CREB3L2: variants seen among roughly 807,000 people sequenced by gnomAD.
CREB3L2 encodes the protein cAMP responsive element binding protein 3 like 2, also known as cyclic AMP-responsive element-binding protein 3-like protein 2.
CREB3L2 carries 23 observed loss-of-function variants against 57.2 expected under a neutral mutation model. The observed-to-expected ratio is 0.40, with a 90% CI of 0.29 to 0.57. The LOEUF is 0.57. Ranked by LOEUF, CREB3L2 falls within the 20% of genes least tolerant of loss-of-function variation. The probability of loss-of-function intolerance (pLI) is 0.42; values close to 1 mark genes in which losing one functional copy is unlikely to be tolerated. For missense variants in CREB3L2, 628 were observed against 634.7 expected (o/e 0.99, Z 0.11); for synonymous variants, 268 against 265.1 (o/e 1.01, Z -0.11).
chr7:138,001,330 G>A lies in CREB3L2; in HGVS notation c.102+274C>T, dbSNP rs1474670498. Among the ~76,000 whole-genome samples, 1 of 152,124 alleles carries A rather than the reference G, an allele frequency of 6.6e-6. No homozygotes were observed. Among genetic ancestry groups the A allele is most frequent in the Admixed American group, 6.5e-5 (1 of 15,282 alleles). On this transcript the variant is annotated intron_variant, in intron 1 of 11. Transcript: ENST00000330387. The surrounding 1 kb of genome is among the most constrained non-coding windows in gnomAD (Gnocchi z 4.2). The stretch of plus-strand genomic sequence containing the variant: ...CCGCATTACAGTACTGTTAACAACA[G>A]CAAATGATATTACAGATGGAAAAAG...
intron 1 of CREB3L2, among the ~76,000 whole-genome samples, chr7:137,965,358 G>A (rs1450714333): frequency 6.6e-6 from 1 of 152,272 alleles, no homozygotes; most frequent in Admixed American, 6.5e-5. Flanking sequence ...GGAAAACATG[G>A]CCAAAAAGAC....
chr7:137,969,019 G>A (rs988957847), intron 1 of CREB3L2, among the ~76,000 whole-genome samples: 5 of 152,098 alleles, frequency 3.3e-5, no homozygotes, highest in African/African-American at 4.8e-5. Flanking sequence ...AAGACGTGGC[G>A]CCCCATAAAA....
intron 2 of CREB3L2, among the ~76,000 whole-genome samples, chr7:137,921,250 A>G (rs28654173): frequency 0.057 from 8,630 of 152,336 alleles, 791 homozygotes; most frequent in African/African-American, 0.2. Flanking sequence ...AAAGTTTAGC[A>G]GTCCACAGTT....
At chr7:137,979,734 C>T (rs201944210) in intron 1 of CREB3L2, among the ~76,000 whole-genome samples, 3 of 71,318 alleles carry the variant, frequency 4.2e-5, no homozygotes, top group Non-Finnish European at 7.6e-5. Flanking sequence ...TCAAAAACAA[C>T]AACAACAACA....
In CREB3L2 at chr7:137,879,944, C is replaced by T. The variant is rs763932060; in HGVS notation, c.*532G>A. ...GCCAGTGCTGCTGCAGGAGACGAGA[C>T]GATCCAGCGAGGGCTCCCAGGGGGC... On this transcript the variant is annotated 3_prime_UTR_variant, in exon 12 of 12. Coordinates refer to ENST00000330387, the MANE Select transcript of CREB3L2 (RefSeq NM_194071.4). 3.0e-5 allele frequency: 7 copies of T among 236,836 alleles called. No individual in the cohort carries two copies. Among genetic ancestry groups the T allele is most frequent in the Non-Finnish European group, 5.8e-5 (7 of 120,232 alleles). 14.7% of individuals were successfully genotyped at this position (236,836 alleles called of 1,614,324 possible).
At chr7:137,928,119 G>C in intron 2 of CREB3L2, 31 bp downstream of exon 2, 1 of 1,519,554 alleles carries the variant, frequency 6.6e-7, no homozygotes, top group Non-Finnish European at 8.9e-7. Flanking sequence ...AAGGCGCTAA[G>C]GTCCAGGTCT....
intron 1 of CREB3L2, among the ~76,000 whole-genome samples, chr7:137,935,156 A>C (rs906434805): frequency 6.6e-6 from 1 of 152,240 alleles, no homozygotes; most frequent in East Asian, 1.9e-4. Context: ...GAGGTTAACA[A>C]TAATGCCGGC....
In CREB3L2 at chr7:137,995,821, G is replaced by A. The variant is rs17169484; in HGVS notation, c.102+5783C>T. On this transcript the variant is annotated intron_variant, in intron 1 of 11. Coordinates refer to ENST00000330387, the MANE Select transcript of CREB3L2 (RefSeq NM_194071.4). The stretch of plus-strand genomic sequence containing the variant: ...GAGACCCCTGTTTCCCATGAACACT[G>A]TAACTCAGGGATCATTCGAGAAGGA... Among the ~76,000 whole-genome samples, 1,333 of 152,270 alleles carry A rather than the reference G, an allele frequency of 8.8e-3. 19 individuals carry two copies. Among genetic ancestry groups the A allele is most frequent in the African/African-American group, 0.029 (1,187 of 41,546 alleles).
intron 1 of CREB3L2, among the ~76,000 whole-genome samples, chr7:137,973,106 G>A (rs537266909): frequency 2.0e-4 from 30 of 150,960 alleles, no homozygotes; most frequent in Middle Eastern, 3.4e-3. Flanking sequence ...GCACCAGCAC[G>A]GCACATGTAT....
chr7:137,972,192 G>A (rs980082468), intron 1 of CREB3L2, among the ~76,000 whole-genome samples: 3 of 152,114 alleles, frequency 2.0e-5, no homozygotes, highest in East Asian at 1.9e-4. Context: ...TGTAATCCCA[G>A]CACTTTAGGA....
chr7:137,936,845 G>A (rs527980026), intron 1 of CREB3L2, among the ~76,000 whole-genome samples: 203 of 152,326 alleles, frequency 1.3e-3, no homozygotes, highest in African/African-American at 4.5e-3. Context: ...CTAAAATGTT[G>A]CAGGCAACAT....
chr7:137,924,790 T>A (rs1477858342), intron 2 of CREB3L2, among the ~76,000 whole-genome samples: 1 of 152,186 alleles, frequency 6.6e-6, no homozygotes, highest in Non-Finnish European at 1.5e-5. Context: ...AGGCTGCACC[T>A]ACATTTCTAG....
intron 1 of CREB3L2, among the ~76,000 whole-genome samples, chr7:137,937,201 A>G (rs1042781137): frequency 6.6e-6 from 1 of 152,236 alleles, no homozygotes; most frequent in Non-Finnish European, 1.5e-5. Context: ...CCTTACCTAG[A>G]GCACAGAATG....
At chr7:137,998,934 A>G (rs1802033014) in intron 1 of CREB3L2, among the ~76,000 whole-genome samples, 2 of 152,160 alleles carry the variant, frequency 1.3e-5, no homozygotes, top group Non-Finnish European at 2.9e-5. Context: ...GGTAGCTGTC[A>G]TCATCTCTTA....
chr7:137,884,698 TC>T, intron 10 of CREB3L2: 1 of 594,648 alleles, frequency 1.7e-6, no homozygotes, highest in East Asian at 2.8e-5. Context: ...CTCATCTGCT[TC>T]CCTCTCCCTT....
chr7:137,973,890 T>C (rs9886131), intron 1 of CREB3L2, among the ~76,000 whole-genome samples: 50,723 of 152,066 alleles, frequency 0.33, 9,552 homozygotes, highest in African/African-American at 0.52. Context: ...TGGCATTGCA[T>C]GTTCTGGGGA....
intron 6 of CREB3L2, among the ~76,000 whole-genome samples, chr7:137,904,239 G>T (rs1384065002): frequency 6.6e-6 from 1 of 152,188 alleles, no homozygotes; most frequent in Non-Finnish European, 1.5e-5. Flanking sequence ...CAGTAAAATG[G>T]ACACTGAGTG....
rs376789749 is a variant in CREB3L2 at position 137,947,520 on chromosome 7, C to G, written c.103-19154G>C. Reference sequence around the variant, plus strand: ...CTGTGCCCTCCGGGGCTCCCCTGAGCCTCTCCACACCTGTGTCTTGATCCC... The same window carrying G: ...CTGTGCCCTCCGGGGCTCCCCTGAGGCTCTCCACACCTGTGTCTTGATCCC... On this transcript the variant is annotated intron_variant, in intron 1 of 11. Coordinates refer to ENST00000330387, the MANE Select transcript of CREB3L2 (RefSeq NM_194071.4). Among the ~76,000 whole-genome samples, 97 of 152,226 alleles carry G rather than the reference C, an allele frequency of 6.4e-4. 2 individuals are homozygous for G. The highest frequency in any genetic ancestry group is 2.3e-3 in the African/African-American group (96 of 41,534).
Position 137,879,238 on chromosome 7 carries a change from A to G in CREB3L2, c.*1238T>C. On this transcript the variant is annotated 3_prime_UTR_variant, in exon 12 of 12. Transcript: ENST00000330387. ...TATCTCTTTGGGCGAGCTGCAAAGT[A>G]GCCAAACCTGACTACCAAAGGTAAG... The G allele has an allele frequency of 1.9e-6, 1 of 535,488 alleles. No individual in the cohort carries two copies. The highest frequency in any genetic ancestry group is 1.5e-5 in the South Asian group (1 of 65,176). The allele number at this position is 535,488 out of a possible 1,614,324, so 33.2% of individuals were successfully genotyped here.
Sources: gnomAD v4.1 joint callset for allele counts (sites outside exome capture counted in the v4.1 genomes callset) on GRCh38, gnomAD v4.1.1 for gene constraint, Gnocchi (gnomAD v3.1) non-coding constraint, MANE v1.5 for transcripts, NCBI Gene and HGNC (gene_info 2026-07-23, HGNC 2026-07-21) for gene names.